The following AP1B1 variants were observed in gnomAD, a reference collection of about 807,000 sequenced individuals.
The protein encoded by AP1B1 is AP-1 complex subunit beta-1.
Under a neutral mutation model 104.3 loss-of-function variants are expected in AP1B1, and 36 were observed. That is an observed-to-expected ratio of 0.35 (90% CI 0.26 to 0.46). AP1B1 has a LOEUF of 0.46. AP1B1 is among the 20% of genes least tolerant of loss of function. The probability of loss-of-function intolerance (pLI) is 1.00; values close to 1 mark genes in which losing one functional copy is unlikely to be tolerated. For missense variants in AP1B1, 901 were observed against 1,247.9 expected (o/e 0.72, Z 4.19); for synonymous variants, 504 against 517.5 (o/e 0.97, Z 0.35).
intron 11 of AP1B1, among the ~76,000 whole-genome samples, chr22:29,345,526 C>G (rs1485508956): frequency 1.4e-5 from 2 of 141,698 alleles, no homozygotes; most frequent in African/African-American, 5.0e-5. Context: ...GGTGTGCCAC[C>G]ACACCCAGCT....
intron 1 of AP1B1, among the ~76,000 whole-genome samples, chr22:29,373,421 G>GTT (rs2062274854): frequency 6.6e-6 from 1 of 152,148 alleles, no homozygotes; most frequent in African/African-American, 2.4e-5. Context: ...GATTTCATGT[G>GTT]TACAAAGCTC....
At chr22:29,351,583 AAC>A in intron 8 of AP1B1, 120 bp downstream of exon 8, 2 of 1,347,670 alleles carry the variant, frequency 1.5e-6, no homozygotes, top group Non-Finnish European at 2.0e-6. Context: ...TCCCATGCTA[AAC>A]ACTCTTCATG....
chr22:29,341,498 C>A lies in AP1B1; in HGVS notation c.1796+3G>T. On this transcript the variant is annotated splice_donor_region_variant and intron_variant, in intron 13 of 22. Transcript: ENST00000357586. ...CGCAGGCCGACTGGCCAGTCTCACT[C>A]ACGAGGCCGTGCGAGGTGGCAGGCT... is the stretch of plus-strand genomic sequence containing the variant. The A allele has an allele frequency of 6.2e-7, 1 of 1,610,352 alleles. No homozygotes were observed. Among genetic ancestry groups the A allele is most frequent in the Non-Finnish European group, 8.5e-7 (1 of 1,177,214 alleles).
intron 11 of AP1B1, among the ~76,000 whole-genome samples, chr22:29,343,903 G>C (rs1405181813): frequency 6.6e-6 from 1 of 152,062 alleles, no homozygotes; most frequent in African/African-American, 2.4e-5. Flanking sequence ...CTGAGGTCAG[G>C]AGTTCGAGAC....
intron 1 of AP1B1, among the ~76,000 whole-genome samples, chr22:29,379,305 G>A (rs945382226): frequency 6.6e-6 from 1 of 152,118 alleles, no homozygotes; most frequent in Non-Finnish European, 1.5e-5. Flanking sequence ...CTCTGGCCTG[G>A]GTGACAGAGC....
At chr22:29,329,276 T>G in intron 22 of AP1B1, 1 of 1,144,990 alleles carries the variant, frequency 8.7e-7, no homozygotes, top group Non-Finnish European at 1.1e-6. Flanking sequence ...CCCGAGGGGG[T>G]GCGGAGGGCT....
intron 16 of AP1B1, among the ~76,000 whole-genome samples, chr22:29,334,641 G>C (rs1434623888): frequency 3.3e-5 from 5 of 152,228 alleles, no homozygotes; most frequent in Non-Finnish European, 7.3e-5. Context: ...AGCTCAGGGT[G>C]GGGAGGCACT....
At chr22:29,372,487 G>C (rs1480907098) in intron 1 of AP1B1, among the ~76,000 whole-genome samples, 1 of 151,066 alleles carries the variant, frequency 6.6e-6, no homozygotes, top group Non-Finnish European at 1.5e-5. Flanking sequence ...CTAAAATATA[G>C]TAGCTTTCTC....
chr22:29,355,874 A>T (rs2061949040), intron 6 of AP1B1, among the ~76,000 whole-genome samples: 2 of 151,528 alleles, frequency 1.3e-5, no homozygotes, highest in Non-Finnish European at 2.9e-5. Context: ...AAAAAAAAAA[A>T]GAACAAGCAC....
Position 29,339,809 on chromosome 22 carries a change from C to T in AP1B1, c.1999-35G>A, listed in dbSNP as rs765504562. 3.8e-6 allele frequency: 6 copies of T among 1,597,684 alleles called. No individual in the cohort carries two copies. The East Asian group carries it at 1.4e-4, about 36-fold the overall frequency. ...GAAGCAGGCAGGTGAAGAGAACAGG[C>T]AGCCACATGCAGAGAGAAAAAGCCA... is the stretch of plus-strand genomic sequence containing the variant. On this transcript the variant is annotated intron_variant, in intron 14 of 22. Transcript: ENST00000357586.
chr22:29,334,648 C>T (rs1035371886), intron 16 of AP1B1, among the ~76,000 whole-genome samples: 7 of 152,184 alleles, frequency 4.6e-5, no homozygotes, highest in Non-Finnish European at 7.4e-5. Flanking sequence ...GGTGGGGAGG[C>T]ACTTCAGCGC....
chr22:29,368,941 C>CAA (rs148054188), intron 1 of AP1B1, among the ~76,000 whole-genome samples: 1 of 141,246 alleles, frequency 7.1e-6, no homozygotes, highest in African/African-American at 2.6e-5. Flanking sequence ...CCCACCCCCG[C>CAA]AAAAAAAAAA....
intron 5 of AP1B1, among the ~76,000 whole-genome samples, chr22:29,357,140 T>G (rs2061972102): frequency 1.3e-5 from 2 of 151,624 alleles, no homozygotes; most frequent in Non-Finnish European, 1.5e-5. Flanking sequence ...CTCAGCTCAC[T>G]GCAACCTCCA....
intron 1 of AP1B1, among the ~76,000 whole-genome samples, chr22:29,377,923 A>C (rs1354638836): frequency 6.6e-6 from 1 of 151,914 alleles, no homozygotes; most frequent in Non-Finnish European, 1.5e-5. Context: ...ATTTGTTTGG[A>C]GTTACACAGC....
intron 14 of AP1B1, 88 bp from the exon 15 acceptor site, chr22:29,339,862 GAA>G: frequency 7.1e-7 from 1 of 1,406,818 alleles, no homozygotes; most frequent in South Asian, 1.2e-5. Context: ...ACAAGAGAGA[GAA>G]GGGAAAGAGG....
In AP1B1 at chr22:29,364,434, T is replaced by A. The variant is rs546134660; in HGVS notation, c.38-1328A>T. On this transcript the variant is annotated intron_variant, in intron 2 of 22. Coordinates refer to ENST00000357586, the MANE Select transcript of AP1B1 (RefSeq NM_001127.4). The stretch of plus-strand genomic sequence containing the variant: ...CCCCTTCTCTTTTATTTTTTATTTT[T>A]TTGAGACAGAGTCTTGCTCTGTCAC... Among the ~76,000 whole-genome samples the A allele has an allele frequency of 4.4e-3, 670 of 152,360 alleles. 4 individuals are homozygous for A. The highest frequency in any genetic ancestry group is 0.015 in the African/African-American group (643 of 41,588).
intron 1 of AP1B1, among the ~76,000 whole-genome samples, chr22:29,387,343 C>T (rs952303020): frequency 1.3e-5 from 2 of 150,266 alleles, no homozygotes; most frequent in Admixed American, 6.6e-5. Context: ...AGTCTCACTC[C>T]GTGGCCCAGG....
intron 3 of AP1B1, among the ~76,000 whole-genome samples, chr22:29,362,438 C>G (rs2062064515): frequency 6.6e-6 from 1 of 151,984 alleles, no homozygotes; most frequent in Admixed American, 6.6e-5. Context: ...CCTGTGTCTC[C>G]CAGGTTCAAG....
At chr22:29,374,004 C>A (rs888177205) in intron 1 of AP1B1, among the ~76,000 whole-genome samples, 1 of 151,458 alleles carries the variant, frequency 6.6e-6, no homozygotes, top group Non-Finnish European at 1.5e-5. Context: ...TCAAGACCAG[C>A]CTGGCCAACA....
Sources: gnomAD v4.1 joint callset for allele counts (sites outside exome capture counted in the v4.1 genomes callset) on GRCh38, gnomAD v4.1.1 for gene constraint, MANE v1.5 for transcripts, NCBI Gene and HGNC (gene_info 2026-07-23, HGNC 2026-07-21) for gene names.